Variants in PTPRO observed in about 807,000 individuals in gnomAD.
The protein encoded by PTPRO is protein tyrosine phosphatase receptor type O.
A neutral mutation model predicts 145.2 loss-of-function variants in PTPRO; 62 were observed. That is an observed-to-expected ratio of 0.43 (90% CI 0.35 to 0.53). The LOEUF is 0.53. Among genes scored for constraint, PTPRO ranks in the 20% least tolerant of loss-of-function variants. The pLI, the probability that PTPRO is intolerant of heterozygous loss-of-function variation, is 0.01. For missense variants in PTPRO, 1,345 were observed against 1,482.7 expected (o/e 0.91, Z 1.53); for synonymous variants, 565 against 514.7 (o/e 1.10, Z -1.32).
chr12:15,403,778 G>C (rs1234654363), intron 1 of PTPRO, among the ~76,000 whole-genome samples: 1 of 151,854 alleles, frequency 6.6e-6, no homozygotes, highest in African/African-American at 2.4e-5. Context: ...TTGTTTACCT[G>C]ATTATTGCTT....
chr12:15,525,680 A>G (rs1385409108), intron 11 of PTPRO, among the ~76,000 whole-genome samples: 1 of 152,236 alleles, frequency 6.6e-6, no homozygotes, highest in Non-Finnish European at 1.5e-5. Context: ...ACTTCTACTT[A>G]CAATCCACTG....
intron 1 of PTPRO, among the ~76,000 whole-genome samples, chr12:15,436,833 C>A (rs1339629592): frequency 6.6e-6 from 1 of 152,154 alleles, no homozygotes; most frequent in African/African-American, 2.4e-5. Flanking sequence ...AGTGTCTCAG[C>A]AGTAGTCTCT....
chr12:15,392,238 G>T (rs905754978), intron 1 of PTPRO, among the ~76,000 whole-genome samples: 1 of 152,196 alleles, frequency 6.6e-6, no homozygotes, highest in East Asian at 1.9e-4. Flanking sequence ...AGGAAGAAAA[G>T]GCAAATCCGT....
chr12:15,557,939 T>C (rs928833850), intron 16 of PTPRO, among the ~76,000 whole-genome samples: 2 of 152,074 alleles, frequency 1.3e-5, no homozygotes, highest in African/African-American at 4.8e-5. Flanking sequence ...TTTTATTGTT[T>C]TGTATTTTTT....
At chr12:15,496,316 A>C (rs1482027422) in intron 2 of PTPRO, among the ~76,000 whole-genome samples, 1 of 151,198 alleles carries the variant, frequency 6.6e-6, no homozygotes, top group African/African-American at 2.4e-5. Context: ...CTAATTTTCT[A>C]TTTTTAGTAG....
At chr12:15,394,787 A>G (rs1001186553) in intron 1 of PTPRO, among the ~76,000 whole-genome samples, 1 of 152,190 alleles carries the variant, frequency 6.6e-6, no homozygotes, top group African/African-American at 2.4e-5. Context: ...TCTATAGAGT[A>G]TATTTATCCA....
At chr12:15,453,915 C>T (rs1419084511) in intron 1 of PTPRO, among the ~76,000 whole-genome samples, 1 of 152,130 alleles carries the variant, frequency 6.6e-6, no homozygotes, top group African/African-American at 2.4e-5. Flanking sequence ...GGACTTCCTC[C>T]TTTTAAGGCT....
chr12:15,549,904 T>A (rs1382314981), intron 14 of PTPRO, among the ~76,000 whole-genome samples: 1 of 152,236 alleles, frequency 6.6e-6, no homozygotes, highest in Non-Finnish European at 1.5e-5. Flanking sequence ...TGGAGCGGAC[T>A]GTTTTCTTTT....
chr12:15,472,861 C>T (rs1941572675), intron 1 of PTPRO, among the ~76,000 whole-genome samples: 1 of 152,188 alleles, frequency 6.6e-6, no homozygotes. Flanking sequence ...GCAGAAATTA[C>T]AAACACTTCA....
Position 15,516,606 on chromosome 12 carries a change from A to AAAGGGAGG in PTPRO, c.1586-152_1586-145dup, listed in dbSNP as rs1555172034. On this transcript the variant is annotated intron_variant, in intron 8 of 26. Coordinates refer to ENST00000281171, the MANE Select transcript of PTPRO (RefSeq NM_030667.3). ...GGAGGAAGGAAGGGGAGGAAGCAAG[A>AAAGGGAGG]AAGGGAGGAAGGAAGGAAGGAAGGA... 0.021 allele frequency among the ~76,000 whole-genome samples: 2,537 copies of AAAGGGAGG among 118,636 alleles called. 133 individuals are homozygous for AAAGGGAGG. Among genetic ancestry groups the AAAGGGAGG allele is most frequent in the African/African-American group, 0.086 (2,289 of 26,670 alleles). 77.8% of individuals were successfully genotyped at this position (118,636 alleles called of 152,430 possible). A position where few individuals can be genotyped will look rare whatever the true frequency, so the allele number is the denominator to read the frequency against.
intron 9 of PTPRO, among the ~76,000 whole-genome samples, 189 bp from the exon 10 acceptor site, chr12:15,520,012 T>C (rs574095857): frequency 2.0e-5 from 3 of 152,234 alleles, no homozygotes; most frequent in African/African-American, 2.4e-5. Flanking sequence ...AATTTATATT[T>C]TTGTATTTTA....
intron 2 of PTPRO, among the ~76,000 whole-genome samples, chr12:15,488,602 T>C (rs1037396187): frequency 2.0e-5 from 3 of 152,242 alleles, no homozygotes; most frequent in African/African-American, 7.2e-5. Flanking sequence ...AGTACCTTTA[T>C]AGCAGTCATT....
At position 15,395,211 on chromosome 12, in the gene PTPRO, G is replaced by C. The variant is rs182107048; in HGVS notation, c.75+72410G>C. ...TAGAGCAGTTGAAGCAGAAGAGCAG[G>C]AGCAGATGTAGGATCACGGCAGGGT... On this transcript the variant is annotated intron_variant, in intron 1 of 26. Coordinates refer to ENST00000281171, the MANE Select transcript of PTPRO (RefSeq NM_030667.3). Among the ~76,000 whole-genome samples the C allele has an allele frequency of 9.1e-4, 139 of 152,294 alleles. 1 individual carries two copies. The highest frequency in any genetic ancestry group is 3.2e-3 in the African/African-American group (134 of 41,550).
chr12:15,433,976 A>T (rs1940525237), intron 1 of PTPRO, among the ~76,000 whole-genome samples: 1 of 152,134 alleles, frequency 6.6e-6, no homozygotes, highest in South Asian at 2.1e-4. Flanking sequence ...TAAGTTTGAA[A>T]ATCCTCCAAA....
At chr12:15,447,737 G>A (rs896137872) in intron 1 of PTPRO, among the ~76,000 whole-genome samples, 1 of 120,560 alleles carries the variant, frequency 8.3e-6, no homozygotes, top group Non-Finnish European at 1.8e-5. Context: ...ATCGATGTGA[G>A]TGGGTTGCAT....
chr12:15,396,244 G>T (rs1406984286), intron 1 of PTPRO, among the ~76,000 whole-genome samples: 1 of 152,082 alleles, frequency 6.6e-6, no homozygotes, highest in Admixed American at 6.6e-5. Context: ...GAACATATTT[G>T]GGCATATATA....
At chr12:15,533,430 T>A (rs1453394470) in intron 12 of PTPRO, among the ~76,000 whole-genome samples, 2 of 152,208 alleles carry the variant, frequency 1.3e-5, no homozygotes, top group East Asian at 3.8e-4. Flanking sequence ...AAAAGATCTG[T>A]TCTACTAATC....
At chr12:15,391,062 T>C (rs1939176236) in intron 1 of PTPRO, among the ~76,000 whole-genome samples, 1 of 152,210 alleles carries the variant, frequency 6.6e-6, no homozygotes, top group Non-Finnish European at 1.5e-5. Context: ...CCTACCCTTA[T>C]GACCTTATCT....
chr12:15,538,239 CT>C (rs5796637), intron 12 of PTPRO, among the ~76,000 whole-genome samples: 8 of 147,774 alleles, frequency 5.4e-5, no homozygotes, highest in African/African-American at 7.4e-5. Context: ...TTTAGTGCTT[CT>C]TTTTTTTTTT....
Sources: allele counts gnomAD v4.1 joint callset (sites outside exome capture counted in the v4.1 genomes callset), GRCh38; gene constraint gnomAD v4.1.1; transcripts MANE v1.5; gene names NCBI Gene and HGNC (gene_info 2026-07-23, HGNC 2026-07-21).